Variants in DSCAM observed in about 807,000 individuals in gnomAD.
DSCAM encodes DS cell adhesion molecule.
A neutral mutation model predicts 217.7 loss-of-function variants in DSCAM; 47 were observed. The observed-to-expected ratio is 0.22, with a 90% confidence interval of 0.17 to 0.28. DSCAM has a LOEUF of 0.28. Ranked by LOEUF, DSCAM falls within the 10% of genes least tolerant of loss-of-function variation. The pLI is 1.00. For missense variants in DSCAM, 2,080 were observed against 2,618.3 expected (o/e 0.79, Z 4.49); for synonymous variants, 1,056 against 1,015.3 (o/e 1.04, Z -0.76).
chr21:40,469,137 CA>C (rs928064919), intron 3 of DSCAM, among the ~76,000 whole-genome samples: 3 of 152,182 alleles, frequency 2.0e-5, no homozygotes, highest in African/African-American at 7.2e-5. Context: ...AGAACTATAA[CA>C]ACCCCTACCC....
intron 3 of DSCAM, among the ~76,000 whole-genome samples, chr21:40,669,082 C>T (rs1052642363): frequency 2.6e-5 from 4 of 152,192 alleles, no homozygotes; most frequent in Non-Finnish European, 5.9e-5. Flanking sequence ...AAGACCTTCA[C>T]AGAGTCGGTG....
chr21:40,265,921 G>A (rs992724326), intron 11 of DSCAM, among the ~76,000 whole-genome samples: 1 of 152,066 alleles, frequency 6.6e-6, no homozygotes, highest in Non-Finnish European at 1.5e-5. Context: ...AGAATCCCTA[G>A]GAAAAACTCT....
chr21:40,187,259 T>G lies in DSCAM; in HGVS notation c.2651A>C (p.Glu884Ala). The G allele has an allele frequency of 6.2e-7, 1 of 1,613,830 alleles. No homozygotes were observed. Among genetic ancestry groups the G allele is most frequent in the African/African-American group, 1.3e-5 (1 of 75,042 alleles). ...CTCAATTTCGGGAGGGTCTGGGGGC[T>G]CTGTGCCATCAACAGAAAGACTACG... ...DRGIIQLTVQ[E>A]PPDPPEIEIK... The change falls in exon 14 of 33, where the codon GAG becomes GCG. Residue 884 changes from glutamate to alanine, a missense_variant and splice_region_variant. Physicochemically the swap from Glu to Ala is moderately radical, Grantham distance 107. This residue lies in a region of DSCAM where 1,144 missense variants were observed against 1,421.1 expected (regional missense o/e 0.81). Coordinates refer to ENST00000400454, the MANE Select transcript of DSCAM (RefSeq NM_001389.5).
chr21:40,645,703 A>G (rs2089938155), intron 3 of DSCAM, among the ~76,000 whole-genome samples: 1 of 152,182 alleles, frequency 6.6e-6, no homozygotes, highest in Non-Finnish European at 1.5e-5. Context: ...TTCACAAAAC[A>G]CTGTGATGTG....
intron 16 of DSCAM, among the ~76,000 whole-genome samples, chr21:40,156,393 C>G (rs1246071558): frequency 6.7e-6 from 1 of 148,904 alleles, no homozygotes; most frequent in Admixed American, 6.8e-5. Flanking sequence ...GTTGTTGCAG[C>G]CTTTGTCATT....
chr21:40,531,140 C>G (rs533684613), intron 3 of DSCAM, among the ~76,000 whole-genome samples: 1 of 152,292 alleles, frequency 6.6e-6, no homozygotes, highest in Non-Finnish European at 1.5e-5. Flanking sequence ...CTTGGCGTCT[C>G]GTCAACACCA....
intron 2 of DSCAM, among the ~76,000 whole-genome samples, chr21:40,701,424 T>G (rs181103124): frequency 8.4e-4 from 128 of 152,276 alleles, no homozygotes; most frequent in African/African-American, 3.0e-3. Context: ...GTTCTATAAT[T>G]TATTGATCTC....
intron 3 of DSCAM, among the ~76,000 whole-genome samples, chr21:40,420,145 T>C (rs1394862444): frequency 1.3e-5 from 2 of 152,292 alleles, no homozygotes; most frequent in East Asian, 3.9e-4. Context: ...TCAAGAATAT[T>C]GAATAATTTG....
intron 26 of DSCAM, 21 bp downstream of exon 26, chr21:40,078,666 C>T (rs1279990190): frequency 3.7e-6 from 6 of 1,603,432 alleles, no homozygotes; most frequent in Non-Finnish European, 5.1e-6. Flanking sequence ...AGCAGGAGAG[C>T]CACAAAGCCA....
intron 32 of DSCAM, among the ~76,000 whole-genome samples, chr21:40,024,939 G>C (rs1451177040): frequency 6.7e-5 from 6 of 89,144 alleles, no homozygotes; most frequent in South Asian, 9.3e-4. Context: ...GGGCATCCCT[G>C]TCTTGTGCCA....
chr21:40,019,305 C>T (rs2088220526), intron 32 of DSCAM, among the ~76,000 whole-genome samples: 1 of 152,204 alleles, frequency 6.6e-6, no homozygotes, highest in Non-Finnish European at 1.5e-5. Flanking sequence ...CTGCCTGTGT[C>T]ACATGGGAGA....
intron 1 of DSCAM, among the ~76,000 whole-genome samples, chr21:40,724,104 T>G (rs747691210): frequency 5.3e-5 from 8 of 152,112 alleles, no homozygotes; most frequent in Non-Finnish European, 1.0e-4. Flanking sequence ...TTGCTAGGGG[T>G]TAAGTGTACA....
At chr21:40,740,338 G>A (rs967602804) in intron 1 of DSCAM, among the ~76,000 whole-genome samples, 1 of 152,124 alleles carries the variant, frequency 6.6e-6, no homozygotes, top group African/African-American at 2.4e-5. Context: ...GAATATTAAA[G>A]CCATATATTC....
At chr21:40,632,699 T>C (rs2089708435) in intron 3 of DSCAM, among the ~76,000 whole-genome samples, 2 of 152,234 alleles carry the variant, frequency 1.3e-5, no homozygotes, top group South Asian at 2.1e-4. Context: ...TCACTCACTC[T>C]TCATCCCTAG....
chr21:40,752,665 C>T (rs1163599350), intron 1 of DSCAM, among the ~76,000 whole-genome samples: 1 of 152,114 alleles, frequency 6.6e-6, no homozygotes, highest in African/African-American at 2.4e-5. Context: ...CCAGCCTGGG[C>T]ATCGGAGAAA....
At chr21:40,700,604 T>C (rs1484735170) in intron 2 of DSCAM, among the ~76,000 whole-genome samples, 1 of 152,200 alleles carries the variant, frequency 6.6e-6, no homozygotes, top group Non-Finnish European at 1.5e-5. Context: ...TCAGAAGAGA[T>C]ACTTGTCTTT....
intron 1 of DSCAM, among the ~76,000 whole-genome samples, chr21:40,769,705 G>T (rs2091428062): frequency 6.6e-6 from 1 of 152,088 alleles, no homozygotes; most frequent in Non-Finnish European, 1.5e-5. Context: ...ATTTTTTCTT[G>T]TCTCTGCCTT....
intron 3 of DSCAM, among the ~76,000 whole-genome samples, chr21:40,606,725 A>G (rs2146270812): frequency 6.6e-6 from 1 of 152,342 alleles, no homozygotes; most frequent in East Asian, 1.9e-4. Flanking sequence ...CTTCCATGGA[A>G]TGAACATCTC....
chr21:40,102,530 G>A (rs966240161), intron 20 of DSCAM, among the ~76,000 whole-genome samples: 18 of 152,124 alleles, frequency 1.2e-4, no homozygotes, highest in African/African-American at 4.3e-4. Flanking sequence ...GTGCTTCAGG[G>A]TCAACTCATG....
Sources: allele counts gnomAD v4.1 joint callset (sites outside exome capture counted in the v4.1 genomes callset), GRCh38; gene constraint gnomAD v4.1.1; regional missense constraint gnomAD v4.1.1; transcripts MANE v1.5; gene names NCBI Gene and HGNC (gene_info 2026-07-23, HGNC 2026-07-21).